The following DOK6 variants were observed in gnomAD, a reference collection of about 807,000 sequenced individuals.
The protein encoded by DOK6 is docking protein 6, also known as downstream of tyrosine kinase 6.
Under a neutral mutation model 44.0 loss-of-function variants are expected in DOK6, and 22 were observed. The observed-to-expected ratio is 0.50, with a 90% CI of 0.36 to 0.71. The LOEUF (loss-of-function observed/expected upper bound fraction) is 0.71. DOK6 is among the 30% of genes least tolerant of loss of function. The pLI is 0.00. For synonymous variants in DOK6, 166 were observed against 145.5 expected (o/e 1.14, Z -1.01); for missense variants, 340 against 416.4 (o/e 0.82, Z 1.60).
At chr18:69,778,210 G>C (rs1381728143) in intron 7 of DOK6, among the ~76,000 whole-genome samples, 4 of 152,146 alleles carry the variant, frequency 2.6e-5, no homozygotes, top group Non-Finnish European at 5.9e-5. Flanking sequence ...AGGTTTTCCT[G>C]AAATAGAGAA....
At chr18:69,484,620 A>G (rs1001073413) in intron 1 of DOK6, among the ~76,000 whole-genome samples, 6 of 152,174 alleles carry the variant, frequency 3.9e-5, no homozygotes, top group African/African-American at 7.2e-5. Context: ...CCATGGATCA[A>G]TACAGAAACT....
intron 3 of DOK6, among the ~76,000 whole-genome samples, chr18:69,629,317 C>T (rs559334454): frequency 1.4e-4 from 21 of 152,112 alleles, no homozygotes; most frequent in African/African-American, 4.3e-4. Flanking sequence ...GTTCAGTTGC[C>T]GAAGTTTTGA....
intron 3 of DOK6, among the ~76,000 whole-genome samples, chr18:69,641,020 A>G (rs751223500): frequency 3.3e-5 from 5 of 152,026 alleles, no homozygotes; most frequent in Non-Finnish European, 7.4e-5. Context: ...GATCGAGACC[A>G]TCCTGGCCAA....
rs181538835 is a variant in DOK6 at position 69,457,933 on chromosome 18, C to T, written c.66+56623C>T. ...CCAGGGTGGGTAGATCACCTGAGGT[C>T]AGGAGTTTGAGACCAGCCTGGCCAA... On this transcript the variant is annotated intron_variant, in intron 1 of 7. Coordinates refer to ENST00000382713, the MANE Select transcript of DOK6 (RefSeq NM_152721.6). 3.3e-5 allele frequency among the ~76,000 whole-genome samples: 5 copies of T among 152,314 alleles called. No individual in the cohort carries two copies. The East Asian group carries it at 5.8e-4, about 18-fold the overall frequency.
intron 5 of DOK6, among the ~76,000 whole-genome samples, chr18:69,716,328 A>G (rs1013502456): frequency 6.6e-6 from 1 of 152,230 alleles, no homozygotes; most frequent in Non-Finnish European, 1.5e-5. Context: ...TATTTAGTTG[A>G]AAATGTCACC....
At chr18:69,817,205 T>C (rs1757240992) in intron 7 of DOK6, among the ~76,000 whole-genome samples, 1 of 152,190 alleles carries the variant, frequency 6.6e-6, no homozygotes, top group East Asian at 1.9e-4. Flanking sequence ...AGTAAATGTT[T>C]ACGTCTTGAA....
chr18:69,549,430 A>C (rs1046532019), intron 1 of DOK6, among the ~76,000 whole-genome samples: 3 of 151,454 alleles, frequency 2.0e-5, no homozygotes, highest in Non-Finnish European at 4.4e-5. Context: ...AGAGTGAGAA[A>C]ATGCATGAGA....
chr18:69,693,939 G>C lies in DOK6; in HGVS notation c.410-4465G>C, dbSNP rs1366195064. 4.6e-5 allele frequency among the ~76,000 whole-genome samples: 7 copies of C among 151,388 alleles called. No homozygotes were observed. The South Asian group carries it at 1.5e-3, about 32-fold the overall frequency. The stretch of plus-strand genomic sequence containing the variant: ...CCGGGCGTGGTGGCGGGCGCCTGTA[G>C]TCCCAGCTACTCGGGAGGCTGAGGC... On this transcript the variant is annotated intron_variant, in intron 4 of 7. Transcript: ENST00000382713.
chr18:69,810,300 C>T (rs1313512365), intron 7 of DOK6, among the ~76,000 whole-genome samples: 1 of 151,894 alleles, frequency 6.6e-6, no homozygotes, highest in East Asian at 1.9e-4. Context: ...ACATAATATA[C>T]AAAAATCAAC....
chr18:69,411,886 T>C (rs1250211217), intron 1 of DOK6, among the ~76,000 whole-genome samples: 1 of 152,172 alleles, frequency 6.6e-6, no homozygotes, highest in Non-Finnish European at 1.5e-5. Context: ...CTCTTTCATC[T>C]CTTTGCCTCT....
Position 69,598,379 on chromosome 18 carries a change from G to A in DOK6, c.175-1005G>A, listed in dbSNP as rs562166377. Among the ~76,000 whole-genome samples the A allele has an allele frequency of 7.2e-5, 11 of 151,854 alleles. No individual in the cohort carries two copies. In the South Asian group the frequency reaches 2.3e-3, roughly 32 times the overall value. ...TATATCCTGTAAAAATTCTACATTTGGAGAAGAGAAATTAAAGCATAGTCA... is the reference window on the plus strand; with the variant it reads ...TATATCCTGTAAAAATTCTACATTTAGAGAAGAGAAATTAAAGCATAGTCA... On this transcript the variant is annotated intron_variant, in intron 2 of 7. Transcript: ENST00000382713.
rs576619939 is a variant in DOK6 at position 69,665,023 on chromosome 18, CA to C, written c.290-12703del. On this transcript the variant is annotated intron_variant, in intron 3 of 7. Coordinates refer to ENST00000382713, the MANE Select transcript of DOK6 (RefSeq NM_152721.6). ...GAAACCTCCGTCTCTACTATAAATA[CA>C]AAAAAAATTAGCCAGGCATGGTGGC... Among the ~76,000 whole-genome samples, 138 of 151,640 alleles carry C rather than the reference CA, an allele frequency of 9.1e-4. 4 individuals are homozygous for C. In the South Asian group the frequency reaches 0.028, roughly 30 times the overall value.
intron 7 of DOK6, among the ~76,000 whole-genome samples, chr18:69,807,266 A>G (rs576613206): frequency 6.6e-6 from 1 of 152,014 alleles, no homozygotes; most frequent in East Asian, 1.9e-4. Context: ...CACAGTAACC[A>G]TAAAGCAAAA....
chr18:69,429,620 C>T lies in DOK6; in HGVS notation c.66+28310C>T, dbSNP rs538446295. Among the ~76,000 whole-genome samples the T allele has an allele frequency of 3.5e-3, 372 of 105,742 alleles. 3 individuals carry two copies. The highest frequency in any genetic ancestry group is 5.1e-3 in the Non-Finnish European group (255 of 49,838). 69.4% of individuals were successfully genotyped at this position (105,742 alleles called of 152,430 possible). ...TCTATAAGGAAAATATTGAGGGATA[C>T]ATATATATATATATATATATATATA... On this transcript the variant is annotated intron_variant, in intron 1 of 7. Coordinates refer to ENST00000382713, the MANE Select transcript of DOK6 (RefSeq NM_152721.6).
chr18:69,801,654 G>A (rs1980908582), intron 7 of DOK6, among the ~76,000 whole-genome samples: 1 of 152,138 alleles, frequency 6.6e-6, no homozygotes, highest in African/African-American at 2.4e-5. Context: ...ACTGGGGGCT[G>A]TATTTTCTCT....
At chr18:69,504,275 C>G (rs1981124371) in intron 1 of DOK6, among the ~76,000 whole-genome samples, 1 of 151,956 alleles carries the variant, frequency 6.6e-6, no homozygotes, top group African/African-American at 2.4e-5. Context: ...GTTTAAATCT[C>G]TAAGTCTTAA....
intron 5 of DOK6, among the ~76,000 whole-genome samples, chr18:69,712,749 C>T (rs62092674): frequency 0.088 from 13,383 of 151,866 alleles, 667 homozygotes; most frequent in Admixed American, 0.14. Flanking sequence ...CAGGAGGCTG[C>T]GGCAGGAGAA....
Position 69,848,604 on chromosome 18 carries a change from T to C in DOK6, c.*7221T>C, listed in dbSNP as rs900022926. On this transcript the variant is annotated 3_prime_UTR_variant, in exon 8 of 8. Coordinates refer to ENST00000382713, the MANE Select transcript of DOK6 (RefSeq NM_152721.6). ...ATTAGGAAATTAAATTATTTTTAAA[T>C]CTGTCTGTGTGATTTTTCCCCTTGG... 1.3e-5 allele frequency: 2 copies of C among 152,162 alleles called. No homozygotes were observed. Among genetic ancestry groups the C allele is most frequent in the Admixed American group, 1.3e-4 (2 of 15,286 alleles). The allele number at this position is 152,162 out of a possible 1,614,324, so 9.4% of individuals were successfully genotyped here.
At chr18:69,418,205 A>C (rs1206162040) in intron 1 of DOK6, among the ~76,000 whole-genome samples, 1 of 151,836 alleles carries the variant, frequency 6.6e-6, no homozygotes. Context: ...TTAAGTTATT[A>C]ATCTATTTTG....
Sources: allele counts gnomAD v4.1 joint callset (sites outside exome capture counted in the v4.1 genomes callset), GRCh38; gene constraint gnomAD v4.1.1; transcripts MANE v1.5; gene names NCBI Gene and HGNC (gene_info 2026-07-23, HGNC 2026-07-21).